CSMD1: variants seen among roughly 807,000 people sequenced by gnomAD.
The protein encoded by CSMD1 is CUB and sushi domain-containing protein 1.
A neutral mutation model predicts 417.5 loss-of-function variants in CSMD1; 213 were observed. The ratio of observed to expected loss-of-function variants is 0.51; its 90% CI spans 0.46 to 0.57. CSMD1 has a LOEUF of 0.57. Ranked by LOEUF, CSMD1 falls within the 20% of genes least tolerant of loss-of-function variation. The pLI, the probability that CSMD1 is intolerant of heterozygous loss-of-function variation, is 0.00. For missense variants in CSMD1, 6,923 were observed against 4,529.7 expected, an observed-to-expected ratio of 1.53 and a Z score of -15.17; for synonymous variants, 2,862 against 1,736.8, an observed-to-expected ratio of 1.65 and a Z score of -16.11.
At chr8:4,279,358 G>A (rs917308789) in intron 3 of CSMD1, among the ~76,000 whole-genome samples, 2 of 152,140 alleles carry the variant, frequency 1.3e-5, no homozygotes, top group Non-Finnish European at 2.9e-5. Context: ...GTGGCAAACG[G>A]ACATCTCAAC....
intron 3 of CSMD1, among the ~76,000 whole-genome samples, chr8:4,203,100 T>G (rs959993639): frequency 6.6e-6 from 1 of 152,238 alleles, no homozygotes; most frequent in Non-Finnish European, 1.5e-5. Context: ...GTTATCTGTG[T>G]GGGTTCCCTG....
At chr8:3,529,012 A>G (rs761374514) in intron 10 of CSMD1, among the ~76,000 whole-genome samples, 4 of 152,210 alleles carry the variant, frequency 2.6e-5, no homozygotes, top group Non-Finnish European at 5.9e-5. Context: ...AGCCCAAAAT[A>G]TTATCAATCT....
intron 3 of CSMD1, among the ~76,000 whole-genome samples, chr8:4,094,703 TAG>T (rs1800907613): frequency 6.6e-6 from 1 of 152,070 alleles, no homozygotes; most frequent in Non-Finnish European, 1.5e-5. Flanking sequence ...CGCCGGCTTC[TAG>T]AGAGACAGGG....
At chr8:4,154,534 G>GA (rs1796730109) in intron 3 of CSMD1, among the ~76,000 whole-genome samples, 1 of 152,166 alleles carries the variant, frequency 6.6e-6, no homozygotes, top group African/African-American at 2.4e-5. Context: ...AGAAAGAGCA[G>GA]AAGCCAGGAC....
intron 5 of CSMD1, among the ~76,000 whole-genome samples, chr8:3,861,864 C>G (rs1171841186): frequency 6.6e-6 from 1 of 152,132 alleles, no homozygotes; most frequent in Non-Finnish European, 1.5e-5. Flanking sequence ...CTAATGGAGC[C>G]TAAGAAAACC....
intron 2 of CSMD1, among the ~76,000 whole-genome samples, chr8:4,569,202 T>G (rs974393034): frequency 6.6e-6 from 1 of 152,216 alleles, no homozygotes; most frequent in Non-Finnish European, 1.5e-5. Context: ...GGTGTTTTAG[T>G]CATGAAGTCT....
At chr8:3,279,805 A>T (rs1802592711) in intron 26 of CSMD1, among the ~76,000 whole-genome samples, 3 of 152,080 alleles carry the variant, frequency 2.0e-5, no homozygotes, top group African/African-American at 7.2e-5. Context: ...GACCCTTATA[A>T]AACCAACAGA....
chr8:4,764,894 ACAAC>A (rs1812352064), intron 1 of CSMD1, among the ~76,000 whole-genome samples: 1 of 18,914 alleles, frequency 5.3e-5, no homozygotes, highest in African/African-American at 2.2e-4. Context: ...AAAAAAAAAA[ACAAC>A]AACAACAAAA....
chr8:4,194,265 A>G (rs895947362), intron 3 of CSMD1, among the ~76,000 whole-genome samples: 4 of 152,178 alleles, frequency 2.6e-5, no homozygotes, highest in African/African-American at 4.8e-5. Context: ...GTGAATTTAG[A>G]AATTATAATG....
chr8:4,662,796 C>T (rs531512987), intron 1 of CSMD1, among the ~76,000 whole-genome samples: 4 of 152,166 alleles, frequency 2.6e-5, no homozygotes, highest in Non-Finnish European at 4.4e-5. Flanking sequence ...GGGATTCAAG[C>T]TCAGGTGACA....
intron 3 of CSMD1, among the ~76,000 whole-genome samples, chr8:4,141,643 T>C (rs1243696098): frequency 7.5e-6 from 1 of 133,148 alleles, no homozygotes; most frequent in African/African-American, 2.6e-5. Flanking sequence ...AATTCACAAG[T>C]TTTTTAAATC....
chr8:4,148,519 T>G (rs1359934679), intron 3 of CSMD1, among the ~76,000 whole-genome samples: 3 of 147,798 alleles, frequency 2.0e-5, no homozygotes, highest in Non-Finnish European at 4.5e-5. Flanking sequence ...AAAGTATAAT[T>G]AAAAAAAAAA....
intron 3 of CSMD1, among the ~76,000 whole-genome samples, chr8:4,065,685 A>G (rs1340930393): frequency 2.6e-5 from 4 of 152,222 alleles, no homozygotes; most frequent in Non-Finnish European, 5.9e-5. Flanking sequence ...TGGAAGATCA[A>G]AAGTAGGAAC....
At chr8:3,056,552 G>C (rs1812237788) in intron 49 of CSMD1, among the ~76,000 whole-genome samples, 1 of 151,746 alleles carries the variant, frequency 6.6e-6, no homozygotes, top group Non-Finnish European at 1.5e-5. Context: ...TATTTTTTTG[G>C]AGAGACTGAG....
intron 3 of CSMD1, among the ~76,000 whole-genome samples, chr8:4,066,035 G>T (rs1267126920): frequency 2.0e-5 from 3 of 152,210 alleles, no homozygotes; most frequent in African/African-American, 4.8e-5. Flanking sequence ...GTCAGAAGGA[G>T]CCCTAAGAAA....
At chr8:3,459,099 A>T (rs1047314897) in intron 12 of CSMD1, among the ~76,000 whole-genome samples, 73 of 152,216 alleles carry the variant, frequency 4.8e-4, no homozygotes, top group Non-Finnish European at 1.6e-4. Context: ...TGGGCACAGG[A>T]TGGCAAGCAC....
At chr8:3,962,461 C>G (rs1207458874) in intron 5 of CSMD1, among the ~76,000 whole-genome samples, 1 of 152,152 alleles carries the variant, frequency 6.6e-6, no homozygotes, top group Non-Finnish European at 1.5e-5. Flanking sequence ...GAGCATGGAT[C>G]TCCTTGGATG....
intron 18 of CSMD1, among the ~76,000 whole-genome samples, chr8:3,379,157 A>G (rs1346889289): frequency 6.6e-6 from 1 of 152,222 alleles, no homozygotes; most frequent in African/African-American, 2.4e-5. Context: ...ATTGCTACAA[A>G]GAGAATAAAA....
chr8:3,136,665 A>T (rs1818114753), intron 41 of CSMD1, among the ~76,000 whole-genome samples: 1 of 152,162 alleles, frequency 6.6e-6, no homozygotes, highest in African/African-American at 2.4e-5. Flanking sequence ...GGTTATACCC[A>T]GGGTACACTC....
Sources: gnomAD v4.1 joint callset for allele counts (sites outside exome capture counted in the v4.1 genomes callset) on GRCh38, gnomAD v4.1.1 for gene constraint, MANE v1.5 for transcripts, NCBI Gene and HGNC (gene_info 2026-07-23, HGNC 2026-07-21) for gene names.